Variants in XPO5 observed in about 807,000 individuals in gnomAD.
XPO5 encodes exportin-5.
In XPO5, 46 loss-of-function variants were observed where a neutral mutation model predicts 160.6. The observed-to-expected ratio is 0.29, with a 90% CI of 0.23 to 0.37. The LOEUF (loss-of-function observed/expected upper bound fraction) is 0.37, where lower values mean the gene tolerates loss of function less well. XPO5 is among the 10% of genes least tolerant of loss of function. The pLI is 1.00. For missense variants in XPO5, 1,090 were observed against 1,463.9 expected (o/e 0.74, Z 4.17); for synonymous variants, 537 against 519.3 (o/e 1.03, Z -0.46).
At chr6:43,525,086 A>C in intron 29 of XPO5, 21 bp downstream of exon 29, 1 of 1,568,946 alleles carries the variant, frequency 6.4e-7, no homozygotes, top group Non-Finnish European at 8.6e-7. Flanking sequence ...AGGGGCAGGG[A>C]AAAGGGGTGA....
chr6:43,529,678 T>C (rs1178052231), intron 23 of XPO5: 1 of 160,422 alleles, frequency 6.2e-6, no homozygotes, highest in Non-Finnish European at 1.4e-5. Flanking sequence ...TTCTAGCACT[T>C]TGGAGGCTGA....
rs150762267 is a variant in XPO5, at chr6:43,524,732, AT to A, written c.3312+98del. ...CCATTTCTCAGAGATTGCACCAGCA[AT>A]TTGGCAGGTGCCTGAATTTAGGATA... On this transcript the variant is annotated intron_variant, in intron 30 of 31. Transcript: ENST00000265351. 10,480 of 1,586,570 alleles carry A rather than the reference AT, an allele frequency of 6.6e-3. 620 individuals carry two copies. The African/African-American group carries it at 0.12, about 19-fold the overall frequency.
intron 23 of XPO5, chr6:43,529,206 C>T (rs1479374132): frequency 1.4e-6 from 2 of 1,427,782 alleles, no homozygotes; most frequent in East Asian, 6.8e-5. Flanking sequence ...AGGAGGACAT[C>T]CTTGTAACAA....
In XPO5 at chr6:43,558,548, G is replaced by A. The variant is rs1276782971; in HGVS notation, c.1265C>T (p.Ser422Phe). The A allele has an allele frequency of 6.2e-7, 1 of 1,604,376 alleles. No individual in the cohort carries two copies. The highest frequency in any genetic ancestry group is 2.2e-5 in the East Asian group (1 of 44,706). The change falls in exon 12 of 32, where the codon TCT becomes TTT. Residue 422 changes from serine (S) to phenylalanine (F), a missense_variant. Physicochemically the swap from Ser to Phe is radical, Grantham distance 155. This residue lies in a region of XPO5 where 810 missense variants were observed against 1,139.0 expected (regional missense o/e 0.71). Transcript: ENST00000265351. ...CTCATCGCTATCAAAATCAAACCGA[G>A]AATATTCACAGCTAGGGCTGTCTGT... The part of the protein sequence containing the change: ...SKTDSPSCEY[S>F]RFDFDSDEDF...
chr6:43,538,181 G>A (rs1232531481), intron 20 of XPO5, among the ~76,000 whole-genome samples: 1 of 97,424 alleles, frequency 1.0e-5, no homozygotes, highest in African/African-American at 4.3e-5. Flanking sequence ...ACAGAGATTT[G>A]CTCTGTCGCT....
At chr6:43,533,681 T>C (rs1284458726) in intron 21 of XPO5, 7 of 299,254 alleles carry the variant, frequency 2.3e-5, no homozygotes, top group Admixed American at 4.3e-5. Flanking sequence ...AACAAAAAAA[T>C]TTTAAAGTTC....
intron 11 of XPO5, chr6:43,558,858 G>C: frequency 3.0e-6 from 1 of 337,354 alleles, no homozygotes; most frequent in African/African-American, 2.1e-5. Context: ...ATTCTTTTAA[G>C]GTCCCCAGAA....
At position 43,524,013 on chromosome 6, in the gene XPO5, A is replaced by G; in HGVS notation, c.3478-8T>C. Reference sequence around the variant, plus strand: ...CTGCTCTCCCAAGGGTTTCTGTGGAAAACAAATGAGAAAGAATTAATGCTG... The same window carrying G: ...CTGCTCTCCCAAGGGTTTCTGTGGAGAACAAATGAGAAAGAATTAATGCTG... On this transcript the variant is annotated splice_region_variant and splice_polypyrimidine_tract_variant and intron_variant, in intron 31 of 31. Coordinates refer to ENST00000265351, the MANE Select transcript of XPO5 (RefSeq NM_020750.3). 6.2e-7 allele frequency: 1 copy of G among 1,611,214 alleles called. No homozygotes were observed. The highest frequency in any genetic ancestry group is 1.3e-5 in the African/African-American group (1 of 75,044).
chr6:43,540,597 G>C (rs1014833082), intron 20 of XPO5, among the ~76,000 whole-genome samples: 1 of 152,208 alleles, frequency 6.6e-6, no homozygotes, highest in Non-Finnish European at 1.5e-5. Context: ...AGGTTGAAGT[G>C]AGCCGAGATC....
intron 20 of XPO5, chr6:43,539,785 A>G: frequency 1.8e-6 from 1 of 571,314 alleles, no homozygotes; most frequent in East Asian, 2.9e-5. Flanking sequence ...TGTTCCTTGA[A>G]GGTCTGGGAG....
At chr6:43,575,362 A>G (rs1012852574) in intron 1 of XPO5, among the ~76,000 whole-genome samples, 1 of 151,882 alleles carries the variant, frequency 6.6e-6, no homozygotes, top group African/African-American at 2.4e-5. Context: ...AGGAGAGACC[A>G]TAAAGAACGA....
At chr6:43,526,070 T>TA (rs1454507310) in intron 27 of XPO5, 149 bp from the exon 28 acceptor site, 5 of 729,670 alleles carry the variant, frequency 6.9e-6, no homozygotes, top group African/African-American at 1.8e-5. Flanking sequence ...CACCTCCACA[T>TA]AATGCCCATG....
chr6:43,555,375 AT>A (rs199543029), intron 13 of XPO5: 3,176 of 154,328 alleles, frequency 0.021, 44 homozygotes, highest in Non-Finnish European at 0.034. Context: ...GTAAAGTATA[AT>A]TTCACAAAAG....
At chr6:43,565,254 G>A (rs775397981) in intron 8 of XPO5, among the ~76,000 whole-genome samples, 2 of 152,014 alleles carry the variant, frequency 1.3e-5, no homozygotes, top group East Asian at 1.9e-4. Flanking sequence ...AAACACTGTC[G>A]ATTGACAGCT....
chr6:43,562,750 G>A (rs1240265381), intron 8 of XPO5, among the ~76,000 whole-genome samples: 1 of 152,142 alleles, frequency 6.6e-6, no homozygotes, highest in African/African-American at 2.4e-5. Context: ...ACCGCTTTAT[G>A]AACCATGGTT....
chr6:43,555,535 G>A, intron 13 of XPO5: 1 of 211,120 alleles, frequency 4.7e-6, no homozygotes, highest in Non-Finnish European at 9.6e-6. Flanking sequence ...TGTTAAGCTG[G>A]TGCCTGAAGT....
intron 20 of XPO5, among the ~76,000 whole-genome samples, chr6:43,544,517 G>A (rs960767874): frequency 6.6e-5 from 10 of 152,152 alleles, no homozygotes; most frequent in African/African-American, 2.2e-4. Flanking sequence ...GTCTGGGTTG[G>A]CCACATAGAT....
At chr6:43,552,178 C>T (rs974419606) in intron 14 of XPO5, among the ~76,000 whole-genome samples, 1 of 152,186 alleles carries the variant, frequency 6.6e-6, no homozygotes, top group African/African-American at 2.4e-5. Flanking sequence ...CTGCCTCAGC[C>T]TCCTGAGTAG....
At position 43,553,308 on chromosome 6, in the gene XPO5, G is replaced by A. The variant is rs537103374; in HGVS notation, c.1572+65C>T. 215 of 1,532,784 alleles carry A rather than the reference G, an allele frequency of 1.4e-4. No homozygotes were observed. In the African/African-American group the frequency reaches 2.7e-3, roughly 19 times the overall value. The allele number at this position is 1,532,784 out of a possible 1,614,324, so 94.9% of individuals were successfully genotyped here. A position where few individuals can be genotyped will look rare whatever the true frequency, so the allele number is the denominator to read the frequency against. Reference sequence around the variant, plus strand: ...CAGAGAGATATAGCGTCCCAAAATAGAAAGAGAAAAGAAAAGAAAAAGGTC... The same window carrying A: ...CAGAGAGATATAGCGTCCCAAAATAAAAAGAGAAAAGAAAAGAAAAAGGTC... On this transcript the variant is annotated intron_variant, in intron 14 of 31. Coordinates refer to ENST00000265351, the MANE Select transcript of XPO5 (RefSeq NM_020750.3).
Sources: gnomAD v4.1 joint callset for allele counts (sites outside exome capture counted in the v4.1 genomes callset) on GRCh38, gnomAD v4.1.1 for gene constraint, gnomAD v4.1.1 regional missense constraint, MANE v1.5 for transcripts, NCBI Gene and HGNC (gene_info 2026-07-23, HGNC 2026-07-21) for gene names.